SSBP4: variants seen among roughly 807,000 people sequenced by gnomAD.
SSBP4 encodes single-stranded DNA-binding protein 4.
In SSBP4, 33 loss-of-function variants were observed where a neutral mutation model predicts 64.6. The ratio of observed to expected loss-of-function variants is 0.51; its 90% CI spans 0.39 to 0.68. SSBP4 has a LOEUF of 0.68. Ranked by LOEUF, SSBP4 falls within the 30% of genes least tolerant of loss-of-function variation. The pLI is 0.00. For missense variants in SSBP4, 583 were observed against 566.8 expected (o/e 1.03, Z -0.29); for synonymous variants, 243 against 224.0 (o/e 1.08, Z -0.76).
chr19:18,419,702 C>A lies in SSBP4; in HGVS notation c.54C>A (p.Arg18=). ...GSAVPSDSQA[R]EKLALYVYEY... is the part of the protein sequence containing the mutation. ...CCGTGCCCTCCGACAGCCAGGCCCG[C>A]GAGAAGTGAGTGCGGGGCCGGGGGC... Residue 18 remains arginine, a synonymous_variant, in exon 1 of 18, where the codon CGC becomes CGA. Coordinates refer to ENST00000270061, the MANE Select transcript of SSBP4 (RefSeq NM_032627.5). 13 of 1,175,862 alleles carry A rather than the reference C, an allele frequency of 1.1e-5. No individual in the cohort carries two copies. The highest frequency in any genetic ancestry group is 1.4e-5 in the Non-Finnish European group (13 of 950,430). 72.8% of individuals were successfully genotyped at this position (1,175,862 alleles called of 1,614,324 possible). A position where few individuals can be genotyped will look rare whatever the true frequency, so the allele number is the denominator to read the frequency against.
intron 1 of SSBP4, among the ~76,000 whole-genome samples, chr19:18,425,708 G>C (rs978938340): frequency 1.3e-5 from 2 of 152,130 alleles, no homozygotes; most frequent in Admixed American, 1.3e-4. Flanking sequence ...AGAGTGCTGT[G>C]ATGATGCAGG....
At chr19:18,417,975 AACAC>A (rs759677153), upstream of SSBP4, among the ~76,000 whole-genome samples, 2 of 152,026 alleles carry the variant, frequency 1.3e-5, no homozygotes, top group African/African-American at 2.4e-5. The surrounding 1 kb of genome is among the most constrained non-coding windows in gnomAD (Gnocchi z 5.4). Flanking sequence ...TTCACACACA[AACAC>A]ACACACGAAA....
the SSBP4 span, among the ~76,000 whole-genome samples, chr19:18,406,808 C>G: frequency 1.3e-5 from 2 of 152,172 alleles, no homozygotes; most frequent in South Asian, 4.1e-4. Context: ...CTGGAGCCAG[C>G]GGTCAGGACC....
Position 18,419,418 on chromosome 19 carries a change from C to G in SSBP4, c.-231C>G. 2 of 1,039,102 alleles carry G rather than the reference C, an allele frequency of 1.9e-6. No individual in the cohort carries two copies. The highest frequency in any genetic ancestry group is 2.3e-6 in the Non-Finnish European group (2 of 866,874). 64.4% of individuals were successfully genotyped at this position (1,039,102 alleles called of 1,614,324 possible). Reference sequence around the variant, plus strand: ...CGCGCGTTTCCCGGAACAGCCCGCGCGGAGGAAAGGGAGGAAAAAAAGCCA... The same window carrying G: ...CGCGCGTTTCCCGGAACAGCCCGCGGGGAGGAAAGGGAGGAAAAAAAGCCA... On this transcript the variant is annotated 5_prime_UTR_variant, in exon 1 of 18. Coordinates refer to ENST00000270061, the MANE Select transcript of SSBP4 (RefSeq NM_032627.5).
chr19:18,433,649 G>C lies in SSBP4; in HGVS notation c.1020+36G>C, dbSNP rs1445899260. 6 of 1,382,400 alleles carry C rather than the reference G, an allele frequency of 4.3e-6. No homozygotes were observed. In the South Asian group the frequency reaches 5.8e-5, roughly 13 times the overall value. The allele number at this position is 1,382,400 out of a possible 1,614,324, so 85.6% of individuals were successfully genotyped here. The stretch of plus-strand genomic sequence containing the variant: ...TGCGCTCTTGCCGGGGGTGGGATCC[G>C]GGGGGGGTGGCGGGGAGGGGGCGGG... On this transcript the variant is annotated intron_variant, in intron 16 of 17. Coordinates refer to ENST00000270061, the MANE Select transcript of SSBP4 (RefSeq NM_032627.5).
chr19:18,432,996 A>G lies in SSBP4; in HGVS notation c.865A>G (p.Met289Val), dbSNP rs1280646457. The change falls in exon 14 of 18, where the codon ATG becomes GTG. Residue 289 changes from methionine (M) to valine (V), a missense_variant. Transcript: ENST00000270061. ...PGDSTNSSEN[M>V]YTIMNPIGQG... ...AGATTCCACCAACTCCAGCGAAAAC[A>G]TGTACACTATCATGAACCCCATCGG... 2 of 1,614,152 alleles carry G rather than the reference A, an allele frequency of 1.2e-6. No individual in the cohort carries two copies. Among genetic ancestry groups the G allele is most frequent in the South Asian group, 1.1e-5 (1 of 91,088 alleles).
chr19:18,430,400 C>T (rs990667567), intron 4 of SSBP4, among the ~76,000 whole-genome samples: 1 of 152,178 alleles, frequency 6.6e-6, no homozygotes, highest in Non-Finnish European at 1.5e-5. Context: ...GGGGACCCCA[C>T]CCCAGAATCC....
Position 18,433,744 on chromosome 19 carries a change from C to T in SSBP4, c.1055C>T (p.Ala352Val). 1.4e-6 allele frequency: 2 copies of T among 1,435,046 alleles called. No individual in the cohort carries two copies. The highest frequency in any genetic ancestry group is 1.4e-5 in the South Asian group (1 of 71,538). 88.9% of individuals were successfully genotyped at this position (1,435,046 alleles called of 1,614,324 possible). A position where few individuals can be genotyped will look rare whatever the true frequency, so the allele number is the denominator to read the frequency against. Residue 352 changes from alanine (A) to valine (V), a missense_variant, in exon 17 of 18, where the codon GCC becomes GTC. Around this residue, in one of 5 missense-constraint regions of SSBP4, gnomAD observed 31 missense variants for 58.5 expected, o/e 0.53. Transcript: ENST00000270061. ...GGCGCCGTGGCCGGCCTGAGCAACG[C>T]CCCGGGCACCCCGCGGGACGACGGC... ...SPGAVAGLSN[A>V]PGTPRDDGEM...
upstream of SSBP4, chr19:18,419,374 C>A: frequency 2.0e-6 from 2 of 1,025,380 alleles, no homozygotes; most frequent in Non-Finnish European, 2.3e-6. Flanking sequence ...CGGGGGCGCG[C>A]GCGGCGGGAG....
chr19:18,431,391 C>A lies in SSBP4; in HGVS notation c.408C>A (p.Asn136Lys). 1 of 1,483,542 alleles carries A rather than the reference C, an allele frequency of 6.7e-7. No homozygotes were observed. The highest frequency in any genetic ancestry group is 9.1e-7 in the Non-Finnish European group (1 of 1,099,002). The allele number at this position is 1,483,542 out of a possible 1,614,324, so 91.9% of individuals were successfully genotyped here. A position where few individuals can be genotyped will look rare whatever the true frequency, so the allele number is the denominator to read the frequency against. ...CCCAGCCGTCCCCCCACAACCCCAA[C>A]GCCCCCATGATGGGGCCTCACGGTC... ...PGSQPSPHNP[N>K]APMMGPHGQP... The change falls in exon 6 of 18, where the codon AAC becomes AAA. Residue 136 changes from asparagine to lysine, a missense_variant. By Grantham distance (94) the Asn-to-Lys change is moderately conservative. Coordinates refer to ENST00000270061, the MANE Select transcript of SSBP4 (RefSeq NM_032627.5).
At position 18,427,900 on chromosome 19, in the gene SSBP4, T is replaced by C; in HGVS notation, c.197T>C (p.Val66Ala). ...PPGFLHSWWC[V>A]FWDLYCAAPD... ...CCATCTTCCCCTTTGGCCCACAGCG[T>C]CTTCTGGGACCTGTACTGCGCGGCG... The change falls in exon 4 of 18, where the codon GTC (valine) becomes GCC (alanine). Residue 66 changes from valine to alanine, a missense_variant and splice_region_variant. Val to Ala is a moderately conservative substitution (Grantham distance 64). This residue lies in a region of SSBP4 where 43 missense variants were observed against 74.2 expected (regional missense o/e 0.58). Coordinates refer to ENST00000270061, the MANE Select transcript of SSBP4 (RefSeq NM_032627.5). The surrounding 1 kb of genome is among the most constrained non-coding windows in gnomAD (Gnocchi z 4.4). 1 of 1,613,874 alleles carries C rather than the reference T, an allele frequency of 6.2e-7. No individual in the cohort carries two copies. The highest frequency in any genetic ancestry group is 2.2e-5 in the East Asian group (1 of 44,874).
chr19:18,415,397 G>C (rs1260677531), upstream of SSBP4, among the ~76,000 whole-genome samples: 1 of 152,166 alleles, frequency 6.6e-6, no homozygotes, highest in African/African-American at 2.4e-5. Context: ...TCCTCTGCAG[G>C]AATGGGGAGT....
rs779866676 is a variant in SSBP4 at position 18,432,734 on chromosome 19, C to T, written c.785C>T (p.Thr262Ile). 6.2e-7 allele frequency: 1 copy of T among 1,601,122 alleles called. No individual in the cohort carries two copies. The change falls in exon 12 of 18, where the codon ACC becomes ATC. Residue 262 changes from threonine (T) to isoleucine (I), a missense_variant and splice_region_variant. Around this residue, in one of 5 missense-constraint regions of SSBP4, gnomAD observed 444 missense variants for 386.6 expected, o/e 1.15. Coordinates refer to ENST00000270061, the MANE Select transcript of SSBP4 (RefSeq NM_032627.5). ...TCCTCCTCATCCCCCGGCAGCTACACCGTAAGTCTGAGCAAAGCTGGGTCA... is the reference window on the plus strand; with the variant it reads ...TCCTCCTCATCCCCCGGCAGCTACATCGTAAGTCTGAGCAAAGCTGGGTCA... ...PYSSSSPGSY[T>I]GPPGGGGPPG...
upstream of SSBP4, among the ~76,000 whole-genome samples, chr19:18,414,032 C>A (rs545024552): frequency 9.3e-5 from 14 of 151,158 alleles, no homozygotes; most frequent in South Asian, 2.1e-4. Flanking sequence ...AACAAACAAA[C>A]AAAAAAAACG....
the SSBP4 span, among the ~76,000 whole-genome samples, chr19:18,413,200 GA>G: frequency 1.1e-4 from 16 of 150,900 alleles, 1 homozygote; most frequent in South Asian, 2.3e-3. Flanking sequence ...GGACGTGGGG[GA>G]GGGACGACGA....
In SSBP4 at chr19:18,432,143, G is replaced by A. The variant is rs757846079; in HGVS notation, c.637-4G>A. ...TACCCCTCACAGCCCCTTTGCCTCCGCAGAGCTATGGAGGTGGCATGCGAC... is the reference window on the plus strand; with the variant it reads ...TACCCCTCACAGCCCCTTTGCCTCCACAGAGCTATGGAGGTGGCATGCGAC... On this transcript the variant is annotated splice_region_variant and splice_polypyrimidine_tract_variant and intron_variant, in intron 9 of 17. Transcript: ENST00000270061. 6.2e-6 allele frequency: 10 copies of A among 1,613,084 alleles called. No homozygotes were observed. The highest frequency in any genetic ancestry group is 1.1e-5 in the South Asian group (1 of 91,074).
the SSBP4 span, among the ~76,000 whole-genome samples, chr19:18,408,611 G>A: frequency 6.6e-6 from 1 of 151,662 alleles, no homozygotes; most frequent in Non-Finnish European, 1.5e-5. Flanking sequence ...TCCTGCCTCA[G>A]CCTCCTGAGT....
the SSBP4 span, among the ~76,000 whole-genome samples, chr19:18,408,014 G>A: frequency 2.0e-5 from 3 of 152,282 alleles, no homozygotes; most frequent in East Asian, 5.8e-4. Context: ...CAGAGTGCTG[G>A]GACTACAGGC....
At chr19:18,409,422 G>A in the SSBP4 span, among the ~76,000 whole-genome samples, 3 of 152,006 alleles carry the variant, frequency 2.0e-5, no homozygotes, top group African/African-American at 4.8e-5. Context: ...CCTCAGCTCA[G>A]GCAATCTGTT....
Sources: allele counts gnomAD v4.1 joint callset (sites outside exome capture counted in the v4.1 genomes callset), GRCh38; gene constraint gnomAD v4.1.1; regional missense constraint gnomAD v4.1.1; non-coding constraint Gnocchi (gnomAD v3.1); transcripts MANE v1.5; gene names NCBI Gene and HGNC (gene_info 2026-07-23, HGNC 2026-07-21).